DLG2: variants seen among roughly 807,000 people sequenced by gnomAD.
The protein encoded by DLG2 is discs large MAGUK scaffold protein 2.
In DLG2, 45 loss-of-function variants were observed where a neutral mutation model predicts 132.5. The ratio of observed to expected loss-of-function variants is 0.34; its 90% CI spans 0.27 to 0.44. DLG2 has a LOEUF of 0.44. Among genes scored for constraint, DLG2 ranks in the 20% least tolerant of loss-of-function variants. DLG2 has a pLI of 1.00. For synonymous variants in DLG2, 424 were observed against 419.6 expected, an observed-to-expected ratio of 1.01 and a Z score of -0.13; for missense variants, 1,045 against 1,196.9, an observed-to-expected ratio of 0.87 and a Z score of 1.87.
At chr11:84,510,174 G>C (rs1180403654) in intron 7 of DLG2, among the ~76,000 whole-genome samples, 1 of 151,214 alleles carries the variant, frequency 6.6e-6, no homozygotes, top group East Asian at 1.9e-4. Flanking sequence ...AGGTAAAGTT[G>C]CCATTCTGGA....
intron 15 of DLG2, among the ~76,000 whole-genome samples, chr11:83,921,042 A>G (rs1360439040): frequency 6.6e-6 from 1 of 152,202 alleles, no homozygotes; most frequent in Non-Finnish European, 1.5e-5. Context: ...CACAGACTCT[A>G]GTACCAGCCT....
intron 4 of DLG2, among the ~76,000 whole-genome samples, chr11:85,259,834 T>C (rs2076851933): frequency 6.6e-6 from 1 of 152,124 alleles, no homozygotes; most frequent in South Asian, 2.1e-4. Context: ...TTCAGAGCTA[T>C]GGTGAAGATG....
intron 6 of DLG2, among the ~76,000 whole-genome samples, chr11:84,614,957 T>A (rs930024057): frequency 2.6e-5 from 4 of 152,124 alleles, no homozygotes; most frequent in Non-Finnish European, 5.9e-5. Context: ...TTTCATGAAT[T>A]AATCCAGTAA....
intron 6 of DLG2, among the ~76,000 whole-genome samples, chr11:84,934,870 G>C (rs1414176526): frequency 2.0e-5 from 3 of 151,616 alleles, no homozygotes; most frequent in Non-Finnish European, 2.9e-5. Context: ...TATCACTTCT[G>C]TGATGATAAC....
At chr11:85,507,059 G>C (rs181625100) in intron 3 of DLG2, among the ~76,000 whole-genome samples, 76 of 152,082 alleles carry the variant, frequency 5.0e-4, no homozygotes, top group African/African-American at 1.8e-3. Context: ...TTTCCATTTT[G>C]TTGGTAGATC....
chr11:84,205,148 G>T (rs982318162), intron 8 of DLG2, among the ~76,000 whole-genome samples: 1 of 152,068 alleles, frequency 6.6e-6, no homozygotes, highest in African/African-American at 2.4e-5. Context: ...GGAAAAAGAG[G>T]GATATTTCAT....
intron 3 of DLG2, among the ~76,000 whole-genome samples, chr11:85,511,194 G>T (rs563896527): frequency 6.6e-6 from 1 of 152,086 alleles, no homozygotes; most frequent in Admixed American, 6.6e-5. Flanking sequence ...GACACAGGAA[G>T]GGGAACATCA....
At chr11:84,871,761 C>T (rs954229764) in intron 6 of DLG2, among the ~76,000 whole-genome samples, 2 of 151,974 alleles carry the variant, frequency 1.3e-5, no homozygotes, top group Non-Finnish European at 2.9e-5. Context: ...TCTCCTCTAT[C>T]GCCCAGCCTG....
chr11:84,047,056 T>C (rs540689437), intron 11 of DLG2, among the ~76,000 whole-genome samples: 51 of 151,688 alleles, frequency 3.4e-4, no homozygotes, highest in African/African-American at 1.2e-3. Context: ...GGAACCAAAA[T>C]GGATTTAGTC....
At chr11:84,082,645 A>G (rs891770529) in intron 10 of DLG2, among the ~76,000 whole-genome samples, 23 of 152,218 alleles carry the variant, frequency 1.5e-4, no homozygotes, top group African/African-American at 5.1e-4. Flanking sequence ...TCTTAAATAT[A>G]TGTTCAGTTA....
At chr11:84,565,072 C>A (rs577727537) in intron 6 of DLG2, among the ~76,000 whole-genome samples, 1 of 152,190 alleles carries the variant, frequency 6.6e-6, no homozygotes, top group Non-Finnish European at 1.5e-5. Context: ...ATATATTCAT[C>A]ATTATACTAT....
chr11:83,805,712 C>G (rs954113861), intron 17 of DLG2, among the ~76,000 whole-genome samples: 1 of 152,138 alleles, frequency 6.6e-6, no homozygotes, highest in South Asian at 2.1e-4. Flanking sequence ...GTGTTCCTAA[C>G]TGCTTGTAAA....
At chr11:83,968,077 T>G (rs890353821) in intron 12 of DLG2, among the ~76,000 whole-genome samples, 5 of 152,226 alleles carry the variant, frequency 3.3e-5, no homozygotes, top group Non-Finnish European at 4.4e-5. Flanking sequence ...ATTGTTTAAT[T>G]ACTTTCCACT....
intron 7 of DLG2, among the ~76,000 whole-genome samples, chr11:84,298,825 G>C (rs189629580): frequency 2.6e-4 from 40 of 152,188 alleles, no homozygotes; most frequent in Non-Finnish European, 4.9e-4. Flanking sequence ...CTGCATGGTG[G>C]CTTCAGGGAA....
rs906854587 is a variant in DLG2, at chr11:84,157,335, T to C, written c.624+6126A>G. ...ATAAATGAATATATTTGTATAATAC[T>C]TGTGAATTTTTATTTAGCATGTTAC... is the stretch of plus-strand genomic sequence containing the variant. On this transcript the variant is annotated intron_variant, in intron 9 of 27. Transcript: ENST00000376104. 2.0e-5 allele frequency among the ~76,000 whole-genome samples: 3 copies of C among 152,208 alleles called. No individual in the cohort carries two copies. The East Asian group carries it at 5.8e-4, about 29-fold the overall frequency.
In DLG2 at chr11:84,627,029, G is replaced by A. The variant is rs559198828; in HGVS notation, c.358-92298C>T. Among the ~76,000 whole-genome samples the A allele has an allele frequency of 4.0e-5, 6 of 151,816 alleles. No individual in the cohort carries two copies. The East Asian group carries it at 5.8e-4, about 15-fold the overall frequency. ...TGGGATTACAGATGCCCGCCACCACGCCCGCTAATTTTCGTATTTTTGGTA... is the reference window on the plus strand; with the variant it reads ...TGGGATTACAGATGCCCGCCACCACACCCGCTAATTTTCGTATTTTTGGTA... On this transcript the variant is annotated intron_variant, in intron 6 of 27. Transcript: ENST00000376104.
intron 6 of DLG2, among the ~76,000 whole-genome samples, chr11:84,740,532 C>T (rs1419010526): frequency 6.6e-6 from 1 of 152,104 alleles, no homozygotes; most frequent in Admixed American, 6.5e-5. Context: ...AATACAGTTC[C>T]ATATAGAGAA....
At chr11:85,535,636 T>C (rs2075530271) in intron 3 of DLG2, among the ~76,000 whole-genome samples, 1 of 152,134 alleles carries the variant, frequency 6.6e-6, no homozygotes, top group Non-Finnish European at 1.5e-5. Context: ...CCTAGATATA[T>C]GCCCAAGAGA....
intron 6 of DLG2, among the ~76,000 whole-genome samples, chr11:84,680,880 T>C (rs1039261989): frequency 2.0e-5 from 3 of 152,208 alleles, no homozygotes; most frequent in African/African-American, 7.2e-5. Context: ...CCAAGTTGAG[T>C]ACACAGAGAA....
Sources: allele counts gnomAD v4.1 joint callset (sites outside exome capture counted in the v4.1 genomes callset), GRCh38; gene constraint gnomAD v4.1.1; transcripts MANE v1.5; gene names NCBI Gene and HGNC (gene_info 2026-07-23, HGNC 2026-07-21).